The following OSBPL9 variants were observed in gnomAD, a reference collection of about 807,000 sequenced individuals.
OSBPL9 encodes oxysterol binding protein like 9.
Under a neutral mutation model 106.6 loss-of-function variants are expected in OSBPL9, and 40 were observed. The ratio of observed to expected loss-of-function variants is 0.38; its 90% CI spans 0.29 to 0.49. OSBPL9 has a LOEUF of 0.49. Ranked by LOEUF, OSBPL9 falls within the 20% of genes least tolerant of loss-of-function variation. The pLI is 0.97. For missense variants in OSBPL9, 609 were observed against 887.2 expected (o/e 0.69, Z 3.98); for synonymous variants, 269 against 295.4 (o/e 0.91, Z 0.92).
At chr1:51,731,506 T>TAC (rs1339687062) in intron 4 of OSBPL9, among the ~76,000 whole-genome samples, 1 of 151,278 alleles carries the variant, frequency 6.6e-6, no homozygotes, top group African/African-American at 2.4e-5. Flanking sequence ...CGCCTGTAAT[T>TAC]ACAGTGCTGC....
Position 51,781,147 on chromosome 1 carries a change from G to A in OSBPL9, c.1257-17G>A. 1 of 1,611,816 alleles carries A rather than the reference G, an allele frequency of 6.2e-7. No homozygotes were observed. Among genetic ancestry groups the A allele is most frequent in the Non-Finnish European group, 8.5e-7 (1 of 1,178,250 alleles). ...ACCAGAAAGCAGGACATTAAATTTT[G>A]TCTTTCTCCCTTGCAGCATTAGTGA... On this transcript the variant is annotated splice_polypyrimidine_tract_variant and intron_variant, in intron 15 of 23. Coordinates refer to ENST00000428468, the MANE Select transcript of OSBPL9 (RefSeq NM_024586.6).
intron 3 of OSBPL9, among the ~76,000 whole-genome samples, chr1:51,708,649 A>G (rs1659149955): frequency 6.6e-6 from 1 of 152,134 alleles, no homozygotes; most frequent in East Asian, 1.9e-4. Context: ...TTGATTTTTT[A>G]GGCTTAAACA....
chr1:51,735,448 C>G (rs1665457070), intron 4 of OSBPL9, among the ~76,000 whole-genome samples: 1 of 151,986 alleles, frequency 6.6e-6, no homozygotes, highest in Non-Finnish European at 1.5e-5. Context: ...TGGAGTACTG[C>G]TTTACCCCTC....
intron 2 of OSBPL9, among the ~76,000 whole-genome samples, chr1:51,665,052 C>G (rs1648111097): frequency 6.6e-6 from 1 of 152,178 alleles, no homozygotes. Context: ...TTAAAATGTT[C>G]TGTATTTGTG....
intron 2 of OSBPL9, among the ~76,000 whole-genome samples, chr1:51,663,713 A>G (rs1325851093): frequency 6.6e-6 from 1 of 152,240 alleles, no homozygotes. Flanking sequence ...AAAAGCAGGC[A>G]ACAGAGTAGA....
At chr1:51,757,184 T>C (rs1368466350) in intron 9 of OSBPL9, among the ~76,000 whole-genome samples, 1 of 152,170 alleles carries the variant, frequency 6.6e-6, no homozygotes, top group Non-Finnish European at 1.5e-5. Flanking sequence ...GCATGTTATC[T>C]TTATATTTGG....
chr1:51,591,242 A>G (rs973316457), intron 1 of OSBPL9, among the ~76,000 whole-genome samples: 12 of 152,102 alleles, frequency 7.9e-5, no homozygotes, highest in Admixed American at 5.9e-4. Flanking sequence ...TTTTTAATTA[A>G]TTAATTTTTA....
chr1:51,527,311 G>A, the OSBPL9 span, among the ~76,000 whole-genome samples: 4 of 151,016 alleles, frequency 2.6e-5, no homozygotes, highest in Non-Finnish European at 5.9e-5. Flanking sequence ...CAGCAAATGG[G>A]GACTATCCAA....
chr1:51,642,460 G>A (rs1406844492), intron 1 of OSBPL9, among the ~76,000 whole-genome samples: 1 of 152,176 alleles, frequency 6.6e-6, no homozygotes, highest in Non-Finnish European at 1.5e-5. Flanking sequence ...AATAATAAAT[G>A]TATTGGCCTG....
chr1:51,628,520 G>A (rs1644907905), intron 1 of OSBPL9, among the ~76,000 whole-genome samples: 1 of 151,450 alleles, frequency 6.6e-6, no homozygotes, highest in African/African-American at 2.4e-5. Flanking sequence ...GGAGGTGAAG[G>A]TTGCAGGGAG....
chr1:51,533,845 CTTTTTTTTTT>C, the OSBPL9 span, among the ~76,000 whole-genome samples: 1 of 116,332 alleles, frequency 8.6e-6, no homozygotes, highest in Non-Finnish European at 1.8e-5. Flanking sequence ...TTTTTTCTTT[CTTTTTTTTTT>C]TTTTTTTGCA....
At chr1:51,590,032 C>CAAAAAAAAAAAAAAAAAAAAAA (rs941103745) in intron 1 of OSBPL9, among the ~76,000 whole-genome samples, 2 of 50,284 alleles carry the variant, frequency 4.0e-5, no homozygotes, top group African/African-American at 1.4e-4. Context: ...GACTCCGTCT[C>CAAAAAAAAAAAAAAAAAAAAAA]AAAAAAAAAA....
At chr1:51,699,553 A>G (rs12130751) in intron 3 of OSBPL9, among the ~76,000 whole-genome samples, 37,610 of 152,092 alleles carry the variant, frequency 0.25, 6,144 homozygotes, top group East Asian at 0.6. Context: ...GAGGAATCCT[A>G]TTTAAGCTGA....
intron 4 of OSBPL9, among the ~76,000 whole-genome samples, chr1:51,722,154 C>G (rs1250846368): frequency 8.0e-6 from 1 of 125,396 alleles, no homozygotes; most frequent in Non-Finnish European, 1.7e-5. Flanking sequence ...GACTCCATCT[C>G]TAAAATAAAT....
At chr1:51,608,597 C>T (rs1038177393) in intron 2 of OSBPL9, among the ~76,000 whole-genome samples, 3 of 152,052 alleles carry the variant, frequency 2.0e-5, no homozygotes, top group Admixed American at 6.6e-5. Context: ...GCCACCACAA[C>T]TGGCCTTCAA....
chr1:51,690,028 T>C (rs549649440), intron 3 of OSBPL9, among the ~76,000 whole-genome samples: 7 of 152,332 alleles, frequency 4.6e-5, no homozygotes, highest in African/African-American at 1.7e-4. Context: ...ATCCTATTTC[T>C]AACATTTTTG....
chr1:51,785,813 C>T lies in OSBPL9; in HGVS notation c.1835C>T (p.Pro612Leu). The change falls in exon 21 of 24, where the codon CCA (proline) becomes CTA (leucine). Residue 612 changes from proline (P) to leucine (L), a missense_variant. This residue lies in a region of OSBPL9 where 132 missense variants were observed against 158.1 expected (regional missense o/e 0.83). Coordinates refer to ENST00000428468, the MANE Select transcript of OSBPL9 (RefSeq NM_024586.6). Reference sequence around the variant, plus strand: ...GTATTTCCTTTTCTGTTCAGTTCTCCAAATGACAAGAAGTCTTTTTGCTCA... The same window carrying T: ...GTATTTCCTTTTCTGTTCAGTTCTCTAAATGACAAGAAGTCTTTTTGCTCA... ...KHRITAEIFS[P>L]NDKKSFCSIE... 1 of 1,609,608 alleles carries T rather than the reference C, an allele frequency of 6.2e-7. No homozygotes were observed. The highest frequency in any genetic ancestry group is 1.3e-5 in the African/African-American group (1 of 74,680).
chr1:51,720,792 ATTTTTT>A (rs34137715), intron 4 of OSBPL9, among the ~76,000 whole-genome samples: 1 of 101,136 alleles, frequency 9.9e-6, no homozygotes, highest in Non-Finnish European at 2.0e-5. Context: ...TCAAATTGGA[ATTTTTT>A]TTTTTTTTTT....
chr1:51,769,054 T>G (rs1673263035), intron 12 of OSBPL9, among the ~76,000 whole-genome samples: 1 of 152,234 alleles, frequency 6.6e-6, no homozygotes, highest in South Asian at 2.1e-4. Flanking sequence ...TAACAAGGCT[T>G]TAGATTCTTT....
Sources: allele counts gnomAD v4.1 joint callset (sites outside exome capture counted in the v4.1 genomes callset), GRCh38; gene constraint gnomAD v4.1.1; regional missense constraint gnomAD v4.1.1; transcripts MANE v1.5; gene names NCBI Gene and HGNC (gene_info 2026-07-23, HGNC 2026-07-21).